PHKB: variants seen among roughly 807,000 people sequenced by gnomAD.
The protein encoded by PHKB is phosphorylase b kinase regulatory subunit beta.
Under a neutral mutation model 152.1 loss-of-function variants are expected in PHKB, and 122 were observed. That is an observed-to-expected ratio of 0.80 (90% confidence interval 0.69 to 0.93). The LOEUF (loss-of-function observed/expected upper bound fraction) is 0.93, where lower values mean the gene tolerates loss of function less well. Among genes scored for constraint, PHKB ranks in the 40% least tolerant of loss-of-function variants. The pLI is 0.00. For synonymous variants in PHKB, 436 were observed against 464.9 expected (o/e 0.94, Z 0.80); for missense variants, 1,304 against 1,328.4 (o/e 0.98, Z 0.29).
In PHKB at chr16:47,579,653, C is replaced by G. The variant is rs189965312; in HGVS notation, c.711-642C>G. On this transcript the variant is annotated intron_variant, in intron 7 of 30. Transcript: ENST00000323584. ...TCATATTTTTAATGAAATGGGTCTT[C>G]CCATTTTCCAGCACTATAGTATATG... Among the ~76,000 whole-genome samples the G allele has an allele frequency of 2.0e-3, 310 of 152,098 alleles. 1 individual carries two copies. The highest frequency in any genetic ancestry group is 6.9e-3 in the African/African-American group (288 of 41,508).
chr16:47,671,769 T>G (rs1973642296), intron 26 of PHKB, among the ~76,000 whole-genome samples: 1 of 152,166 alleles, frequency 6.6e-6, no homozygotes. Context: ...TCCGAAATAG[T>G]GAAACATTGC....
At chr16:47,484,071 A>G (rs2151635184) in intron 1 of PHKB, among the ~76,000 whole-genome samples, 1 of 152,330 alleles carries the variant, frequency 6.6e-6, no homozygotes, top group South Asian at 2.1e-4. Flanking sequence ...ATAGTATATT[A>G]TGGGAAGGTA....
intron 28 of PHKB, among the ~76,000 whole-genome samples, chr16:47,694,091 T>C (rs1393307366): frequency 6.6e-6 from 1 of 152,198 alleles, no homozygotes; most frequent in Non-Finnish European, 1.5e-5. Flanking sequence ...TTGTGTTGAA[T>C]GTGGAAAATG....
rs147324513 is a variant in PHKB, at chr16:47,497,954, T to C, written c.166+466T>C. On this transcript the variant is annotated intron_variant, in intron 2 of 30. Transcript: ENST00000323584. Reference sequence around the variant, plus strand: ...GTGTTTTGTTTGTTTTATTTTGTTTTTCCAGGACCAGCCTTGCAAATTTTG... The same window carrying C: ...GTGTTTTGTTTGTTTTATTTTGTTTCTCCAGGACCAGCCTTGCAAATTTTG... Among the ~76,000 whole-genome samples the C allele has an allele frequency of 8.7e-4, 133 of 152,320 alleles. 1 individual carries two copies. Among genetic ancestry groups the C allele is most frequent in the African/African-American group, 2.9e-3 (119 of 41,568 alleles).
intron 7 of PHKB, among the ~76,000 whole-genome samples, chr16:47,552,506 T>G (rs1203077292): frequency 1.3e-5 from 2 of 152,154 alleles, no homozygotes; most frequent in Admixed American, 1.3e-4. Context: ...ATTCTGGGTT[T>G]AAAATTCTTT....
At chr16:47,530,527 A>G (rs1230879253) in intron 6 of PHKB, among the ~76,000 whole-genome samples, 1 of 152,210 alleles carries the variant, frequency 6.6e-6, no homozygotes, top group Non-Finnish European at 1.5e-5. Context: ...GTGGATGGCA[A>G]TGGCAGAAAT....
rs57329634 is a variant in PHKB at position 47,580,558 on chromosome 16, TA to T, written c.774+217del. Reference sequence around the variant, plus strand: ...ACTAAAGACCATTGCTTAATTTCTTTAAAAAAAAAAAAAAAAAGAAAATTTT... The same window carrying T: ...ACTAAAGACCATTGCTTAATTTCTTTAAAAAAAAAAAAAAAAGAAAATTTT... On this transcript the variant is annotated intron_variant, in intron 8 of 30. Coordinates refer to ENST00000323584, the MANE Select transcript of PHKB (RefSeq NM_000293.3). Among the ~76,000 whole-genome samples, 8,188 of 131,760 alleles carry T rather than the reference TA, an allele frequency of 0.062. 453 individuals are homozygous for T. The highest frequency in any genetic ancestry group is 0.17 in the Admixed American group (2,318 of 13,406). 86.4% of individuals were successfully genotyped at this position (131,760 alleles called of 152,430 possible). A position where few individuals can be genotyped will look rare whatever the true frequency, so the allele number is the denominator to read the frequency against.
At chr16:47,642,415 G>T (rs1184759465) in intron 16 of PHKB, among the ~76,000 whole-genome samples, 1 of 152,166 alleles carries the variant, frequency 6.6e-6, no homozygotes, top group Non-Finnish European at 1.5e-5. Context: ...GCTTGTGAAT[G>T]TTCTTGCTCG....
chr16:47,596,634 A>G (rs1407828575), intron 13 of PHKB, 103 bp downstream of exon 13: 2 of 1,111,980 alleles, frequency 1.8e-6, no homozygotes, highest in African/African-American at 3.1e-5. Context: ...GTGGTGTTTC[A>G]TGGTCTTGAG....
At chr16:47,461,307 C>T (rs1320276161), upstream of PHKB, 2 of 1,506,504 alleles carry the variant, frequency 1.3e-6, no homozygotes, top group Admixed American at 3.7e-5. Flanking sequence ...GCATTGCTGA[C>T]AGGCGGCCCC....
rs1174699636 is a variant in PHKB at position 47,643,169 on chromosome 16, A to G, written c.1608+1477A>G. ...ACCAGACAACATGCAGTCAAGATTT[A>G]AAAGGCTAACATGGTGAGCAAATGA... is the stretch of plus-strand genomic sequence containing the variant. On this transcript the variant is annotated intron_variant, in intron 16 of 30. Transcript: ENST00000323584. Among the ~76,000 whole-genome samples the G allele has an allele frequency of 2.0e-5, 3 of 152,228 alleles. 1 individual carries two copies. The highest frequency in any genetic ancestry group is 1.3e-4 in the Admixed American group (2 of 15,280).
intron 27 of PHKB, among the ~76,000 whole-genome samples, chr16:47,689,442 A>C (rs1974022546): frequency 6.6e-6 from 1 of 152,162 alleles, no homozygotes; most frequent in South Asian, 2.1e-4. Flanking sequence ...TCTGTGCAAA[A>C]TGTAACACCT....
chr16:47,468,438 G>A (rs1417482097), intron 1 of PHKB, among the ~76,000 whole-genome samples: 1 of 152,224 alleles, frequency 6.6e-6, no homozygotes, highest in Non-Finnish European at 1.5e-5. Context: ...GGTTACCTGA[G>A]GTCAGAAGTT....
intron 1 of PHKB, among the ~76,000 whole-genome samples, chr16:47,469,774 GAAAT>G (rs1164045937): frequency 2.0e-5 from 3 of 152,096 alleles, no homozygotes; most frequent in African/African-American, 7.2e-5. Context: ...GAAATTATTA[GAAAT>G]AAATAAACAA....
At chr16:47,464,468 T>TG (rs1370475032) in intron 1 of PHKB, among the ~76,000 whole-genome samples, 1 of 152,180 alleles carries the variant, frequency 6.6e-6, no homozygotes, top group Non-Finnish European at 1.5e-5. Flanking sequence ...GCCATGTGCT[T>TG]TGGCCTTTAT....
chr16:47,602,476 G>A (rs1972245989), intron 13 of PHKB, among the ~76,000 whole-genome samples: 1 of 150,074 alleles, frequency 6.7e-6, no homozygotes, highest in Admixed American at 6.6e-5. Context: ...TAACCATGGG[G>A]TTACAGATTA....
intron 14 of PHKB, among the ~76,000 whole-genome samples, chr16:47,638,698 T>G (rs765475868): frequency 6.6e-5 from 10 of 152,242 alleles, no homozygotes; most frequent in Non-Finnish European, 1.3e-4. Context: ...CCTAGTAGAC[T>G]GAACTCCTCA....
chr16:47,690,819 T>C lies in PHKB; in HGVS notation c.2765+1644T>C, dbSNP rs180694471. Among the ~76,000 whole-genome samples the C allele has an allele frequency of 1.9e-4, 29 of 152,300 alleles. No individual in the cohort carries two copies. In the East Asian group the frequency reaches 3.3e-3, roughly 17 times the overall value. On this transcript the variant is annotated intron_variant, in intron 27 of 30. Transcript: ENST00000323584. Reference sequence around the variant, plus strand: ...ATTGTAAAGGAAAAAATAGTGATTTTACAGTGGAGAAACCCAGCTGACTCT... The same window carrying C: ...ATTGTAAAGGAAAAAATAGTGATTTCACAGTGGAGAAACCCAGCTGACTCT...
chr16:47,480,104 C>T (rs1969938371), intron 1 of PHKB, among the ~76,000 whole-genome samples: 1 of 152,132 alleles, frequency 6.6e-6, no homozygotes, highest in Admixed American at 6.6e-5. Flanking sequence ...TTAGTGATCC[C>T]TTCTGTGTCC....
Sources: allele counts gnomAD v4.1 joint callset (sites outside exome capture counted in the v4.1 genomes callset), GRCh38; gene constraint gnomAD v4.1.1; transcripts MANE v1.5; gene names NCBI Gene and HGNC (gene_info 2026-07-23, HGNC 2026-07-21).